CSDE1: variants seen among roughly 807,000 people sequenced by gnomAD.
CSDE1 encodes the protein cold shock domain-containing protein E1.
CSDE1 carries 17 observed loss-of-function variants against 89.3 expected under a neutral mutation model. The ratio of observed to expected loss-of-function variants is 0.19; its 90% confidence interval spans 0.13 to 0.29. The LOEUF (loss-of-function observed/expected upper bound fraction) is 0.29, where lower values mean the gene tolerates loss of function less well. Ranked by LOEUF, CSDE1 falls within the 10% of genes least tolerant of loss-of-function variation. CSDE1 has a pLI of 1.00. For synonymous variants in CSDE1, 322 were observed against 332.8 expected (o/e 0.97, Z 0.35); for missense variants, 672 against 984.2 (o/e 0.68, Z 4.24).
Position 114,719,733 on chromosome 1 carries a change from T to C in CSDE1, c.2062A>G (p.Ile688Val), listed in dbSNP as rs199861711. The stretch of plus-strand genomic sequence containing the variant: ...TTGCTATCTCCTACTTCATAGTTAA[T>C]GAAGCCAAACTGAAAAAAAAAAGTA... ...VECVKDQFGF[I>V]NYEVGDSKKL... The change falls in exon 18 of 20, where the codon ATT becomes GTT. Residue 688 changes from isoleucine to valine, a missense_variant. By Grantham distance (29) the Ile-to-Val change is conservative. Coordinates refer to ENST00000358528, the MANE Select transcript of CSDE1 (RefSeq NM_001007553.3). The C allele has an allele frequency of 1.9e-6, 3 of 1,608,914 alleles. No individual in the cohort carries two copies. Among genetic ancestry groups the C allele is most frequent in the Non-Finnish European group, 2.5e-6 (3 of 1,178,650 alleles).
At position 114,751,459 on chromosome 1, in the gene CSDE1, T is replaced by C. The variant is rs1164724814; in HGVS notation, c.-387-1252A>G. 2.0e-5 allele frequency among the ~76,000 whole-genome samples: 3 copies of C among 151,512 alleles called. No individual in the cohort carries two copies. The East Asian group carries it at 5.8e-4, about 29-fold the overall frequency. ...GCCTAATCGCAATCACTGGTACTAG[T>C]AAATACCATGAACAAGTTATTTAAT... On this transcript the variant is annotated intron_variant, in intron 1 of 19. Transcript: ENST00000358528.
rs1195789831 is a variant in CSDE1, at chr1:114,716,924, CA to C, written c.*1244del. On this transcript the variant is annotated 3_prime_UTR_variant, in exon 20 of 20. Transcript: ENST00000358528. ...ATGAAAGCGCTAGGTGCTAGTGTCT[CA>C]AAAATCAGTAAAACTTTATTCGCTT... The C allele has an allele frequency of 6.5e-6, 1 of 152,696 alleles. No individual in the cohort carries two copies. Among genetic ancestry groups the C allele is most frequent in the African/African-American group, 2.4e-5 (1 of 41,464 alleles). The allele number at this position is 152,696 out of a possible 1,614,324, so 9.5% of individuals were successfully genotyped here.
At chr1:114,720,791 AT>A (rs1659474837) in intron 16 of CSDE1, 74 bp from the exon 17 acceptor site, 1 of 1,296,634 alleles carries the variant, frequency 7.7e-7, no homozygotes, top group Non-Finnish European at 1.1e-6. Flanking sequence ...GGAAGTTTAT[AT>A]AACTGCTAAA....
intron 2 of CSDE1, among the ~76,000 whole-genome samples, chr1:114,745,054 A>G (rs1035771250): frequency 6.6e-6 from 1 of 152,244 alleles, no homozygotes; most frequent in East Asian, 1.9e-4. Flanking sequence ...GCAAATTAAT[A>G]CTTTCATATA....
At chr1:114,750,769 T>C (rs1255525968) in intron 1 of CSDE1, among the ~76,000 whole-genome samples, 1 of 152,136 alleles carries the variant, frequency 6.6e-6, no homozygotes, top group Non-Finnish European at 1.5e-5. Flanking sequence ...ACCTGGAAAA[T>C]CAGGCAGAAT....
At chr1:114,750,385 A>T (rs1307873324) in intron 1 of CSDE1, among the ~76,000 whole-genome samples, 178 bp from the exon 2 acceptor site, 1 of 152,192 alleles carries the variant, frequency 6.6e-6, no homozygotes, top group Non-Finnish European at 1.5e-5. Context: ...AGTACTAGCA[A>T]CTACCTCCTT....
intron 12 of CSDE1, 54 bp from the exon 13 acceptor site, chr1:114,727,144 A>AT (rs1659841861): frequency 8.0e-7 from 1 of 1,257,736 alleles, no homozygotes; most frequent in African/African-American, 1.5e-5. Context: ...ACAAAAACCA[A>AT]TAAAAACAAC....
At chr1:114,743,226 C>T (rs950409564) in intron 2 of CSDE1, among the ~76,000 whole-genome samples, 7 of 152,158 alleles carry the variant, frequency 4.6e-5, no homozygotes, top group Non-Finnish European at 4.4e-5. Flanking sequence ...TGGAGTCTCG[C>T]TGTCACCCAG....
intron 2 of CSDE1, chr1:114,741,391 G>C (rs1660718583): frequency 1.3e-6 from 1 of 760,648 alleles, no homozygotes. Context: ...TATCTTTCAA[G>C]AGTGAAGGTG....
Position 114,726,333 on chromosome 1 carries a change from A to C in CSDE1, c.1518T>G (p.Cys506Trp). The C allele has an allele frequency of 1.2e-6, 2 of 1,613,920 alleles. No individual in the cohort carries two copies. The highest frequency in any genetic ancestry group is 8.5e-7 in the Non-Finnish European group (1 of 1,179,930). ...KQRPGQQVAT[C>W]VRLLGRNSNS... ...TAGAATTACGACCTAAAAGTCGCACACAAGTTGCAACCTGCTGTCCAGGCC... is the reference window on the plus strand; with the variant it reads ...TAGAATTACGACCTAAAAGTCGCACCCAAGTTGCAACCTGCTGTCCAGGCC... Residue 506 changes from cysteine (C) to tryptophan (W), a missense_variant, in exon 14 of 20, where the codon TGT becomes TGG. Around this residue, in one of 8 missense-constraint regions of CSDE1, gnomAD observed 108 missense variants for 105.0 expected, o/e 1.03. Coordinates refer to ENST00000358528, the MANE Select transcript of CSDE1 (RefSeq NM_001007553.3).
chr1:114,755,812 A>C (rs1661566305), intron 1 of CSDE1, among the ~76,000 whole-genome samples: 1 of 152,216 alleles, frequency 6.6e-6, no homozygotes, highest in African/African-American at 2.4e-5. Context: ...CCTGAAATTC[A>C]ACTCCTCAAA....
intron 1 of CSDE1, among the ~76,000 whole-genome samples, chr1:114,756,064 A>C (rs1438880248): frequency 3.3e-5 from 5 of 152,224 alleles, no homozygotes; most frequent in African/African-American, 1.2e-4. Flanking sequence ...AGGGAAAATA[A>C]GGGTAGAGGG....
chr1:114,745,259 A>C (rs1660953707), intron 2 of CSDE1, among the ~76,000 whole-genome samples: 1 of 152,226 alleles, frequency 6.6e-6, no homozygotes, highest in Non-Finnish European at 1.5e-5. Flanking sequence ...AAATGTGAAA[A>C]AAGCTTTATA....
chr1:114,755,472 A>C (rs1461108789), intron 1 of CSDE1, among the ~76,000 whole-genome samples: 1 of 152,220 alleles, frequency 6.6e-6, no homozygotes, highest in East Asian at 1.9e-4. Context: ...TCAGCCACAC[A>C]CTGTTTTACC....
At chr1:114,736,713 A>G (rs369278168) in intron 6 of CSDE1, 45 bp downstream of exon 6, 322 of 1,338,618 alleles carry the variant, frequency 2.4e-4, no homozygotes, top group Non-Finnish European at 3.1e-4. Context: ...GGAGGGGGGA[A>G]AAAAAAACCG....
chr1:114,726,205 C>G lies in CSDE1; in HGVS notation c.1640+6G>C. ...AGCTGTAAAGTTCCTGAAAGTCACG[C>G]CTTACCTGTAATGGAAAAAGATTTC... On this transcript the variant is annotated splice_donor_region_variant and intron_variant, in intron 14 of 19. Coordinates refer to ENST00000358528, the MANE Select transcript of CSDE1 (RefSeq NM_001007553.3). 2 of 1,598,544 alleles carry G rather than the reference C, an allele frequency of 1.3e-6. No individual in the cohort carries two copies. Among genetic ancestry groups the G allele is most frequent in the African/African-American group, 1.3e-5 (1 of 74,254 alleles).
chr1:114,716,978 G>T lies in CSDE1; in HGVS notation c.*1191C>A, dbSNP rs8453. The T allele has an allele frequency of 0.11, 17,009 of 152,726 alleles. 1,210 individuals carry two copies. The highest frequency in any genetic ancestry group is 0.15 in the Non-Finnish European group (10,523 of 68,030). 9.5% of individuals were successfully genotyped at this position (152,726 alleles called of 1,614,324 possible). On this transcript the variant is annotated 3_prime_UTR_variant, in exon 20 of 20. Transcript: ENST00000358528. The stretch of plus-strand genomic sequence containing the variant: ...ATTCTTTCGCCATTAACAGAAAACT[G>T]GAGAAAGCAAAAATGTTTCGTGTTT...
At chr1:114,745,137 T>C (rs943755943) in intron 2 of CSDE1, among the ~76,000 whole-genome samples, 2 of 152,230 alleles carry the variant, frequency 1.3e-5, no homozygotes, top group Non-Finnish European at 2.9e-5. Flanking sequence ...ACCACTTTTA[T>C]GGTAGTAAAT....
In CSDE1 at chr1:114,736,772, A is replaced by G. The variant is rs1378116101; in HGVS notation, c.486T>C (p.Ile162=). 3.7e-6 allele frequency: 6 copies of G among 1,609,446 alleles called. No homozygotes were observed. The highest frequency in any genetic ancestry group is 2.7e-5 in the African/African-American group (2 of 74,786). Residue 162 remains isoleucine (I), a synonymous_variant, in exon 6 of 20, where the codon ATT becomes ATC. Transcript: ENST00000358528. ...AAAGAACTTACTGTTTATTGTTATC[A>G]ATTACAAAGTTTATTTTATCTCCAG... ...LETGDKINFV[I]DNNKHTGAVS... is the part of the protein sequence containing the mutation.
Sources: gnomAD v4.1 joint callset for allele counts (sites outside exome capture counted in the v4.1 genomes callset) on GRCh38, gnomAD v4.1.1 for gene constraint, gnomAD v4.1.1 regional missense constraint, MANE v1.5 for transcripts, NCBI Gene and HGNC (gene_info 2026-07-23, HGNC 2026-07-21) for gene names.